The following COL24A1 variants were observed in gnomAD, a reference collection of about 807,000 sequenced individuals.
COL24A1 encodes collagen type XXIV alpha 1 chain.
In COL24A1, 224 loss-of-function variants were observed where a neutral mutation model predicts 253.9. The observed-to-expected ratio is 0.88, with a 90% confidence interval of 0.79 to 0.99. The LOEUF is 0.99. Ranked by LOEUF, COL24A1 falls within the 50% of genes least tolerant of loss-of-function variation. COL24A1 has a pLI of 0.00. For missense variants in COL24A1, 2,131 were observed against 2,068.5 expected, an observed-to-expected ratio of 1.03 and a Z score of -0.59; for synonymous variants, 685 against 673.7, an observed-to-expected ratio of 1.02 and a Z score of -0.26.
chr1:86,005,501 T>C (rs1240465702), intron 19 of COL24A1, among the ~76,000 whole-genome samples: 2 of 152,008 alleles, frequency 1.3e-5, no homozygotes, highest in Non-Finnish European at 2.9e-5. Context: ...AGAAGGGATA[T>C]ACAAATTGAA....
chr1:85,913,187 C>T (rs1685538281), intron 24 of COL24A1, among the ~76,000 whole-genome samples: 1 of 152,128 alleles, frequency 6.6e-6, no homozygotes, highest in South Asian at 2.1e-4. Context: ...TATCAATGTT[C>T]ATGTGCATGG....
intron 20 of COL24A1, among the ~76,000 whole-genome samples, chr1:85,974,579 G>A (rs1254734425): frequency 6.6e-6 from 1 of 152,056 alleles, no homozygotes; most frequent in Non-Finnish European, 1.5e-5. Flanking sequence ...GTAAAAGCAT[G>A]GCAAAAACAA....
chr1:86,121,212 G>T (rs1647291657), intron 3 of COL24A1, among the ~76,000 whole-genome samples: 1 of 152,098 alleles, frequency 6.6e-6, no homozygotes, highest in Non-Finnish European at 1.5e-5. Flanking sequence ...AATGGGTGCA[G>T]CAAACCAACA....
intron 23 of COL24A1, among the ~76,000 whole-genome samples, chr1:85,964,503 C>T (rs535554549): frequency 5.3e-4 from 81 of 152,124 alleles, no homozygotes; most frequent in Admixed American, 1.4e-3. Context: ...GTTTATTGCC[C>T]TGTATGTAAC....
chr1:85,921,974 T>C (rs1233783538), intron 24 of COL24A1, among the ~76,000 whole-genome samples: 3 of 152,138 alleles, frequency 2.0e-5, no homozygotes, highest in Non-Finnish European at 4.4e-5. Flanking sequence ...AGACCTTAAG[T>C]GACCCGAGGG....
intron 34 of COL24A1, among the ~76,000 whole-genome samples, 187 bp from the exon 35 acceptor site, chr1:85,874,889 C>T (rs527438885): frequency 6.6e-6 from 1 of 152,346 alleles, no homozygotes; most frequent in Admixed American, 6.5e-5. Context: ...TGTCTGAGCT[C>T]CACCTCCTGT....
chr1:85,925,448 C>G (rs1270682411), intron 24 of COL24A1, among the ~76,000 whole-genome samples: 1 of 152,152 alleles, frequency 6.6e-6, no homozygotes, highest in African/African-American at 2.4e-5. Context: ...GTAACCAAAA[C>G]AGCATGGTAC....
intron 28 of COL24A1, among the ~76,000 whole-genome samples, chr1:85,904,217 T>C (rs190096750): frequency 1.6e-4 from 25 of 152,308 alleles, no homozygotes; most frequent in African/African-American, 6.0e-4. Flanking sequence ...GTTGTATGCC[T>C]CTATACTGCC....
At chr1:85,761,168 T>A (rs1355588121) in intron 55 of COL24A1, among the ~76,000 whole-genome samples, 2 of 152,136 alleles carry the variant, frequency 1.3e-5, no homozygotes, top group Admixed American at 6.5e-5. Context: ...ACTCAACACT[T>A]GAAACCACCC....
intron 12 of COL24A1, among the ~76,000 whole-genome samples, chr1:86,042,233 C>T (rs1438509946): frequency 1.3e-5 from 2 of 152,002 alleles, no homozygotes; most frequent in Non-Finnish European, 2.9e-5. Flanking sequence ...AGAAAAAAAA[C>T]ATTTCGAATG....
intron 2 of COL24A1, among the ~76,000 whole-genome samples, chr1:86,144,964 G>A (rs1284017422): frequency 2.6e-5 from 4 of 152,090 alleles, no homozygotes; most frequent in Non-Finnish European, 5.9e-5. Flanking sequence ...GCTAAATGAA[G>A]TAACATAAAT....
At chr1:86,148,200 T>C (rs1312001782) in intron 1 of COL24A1, among the ~76,000 whole-genome samples, 2 of 152,126 alleles carry the variant, frequency 1.3e-5, no homozygotes, top group African/African-American at 4.8e-5. Context: ...TTTTGCTTTC[T>C]TGAGATGGAG....
intron 24 of COL24A1, among the ~76,000 whole-genome samples, chr1:85,952,335 A>C (rs1690017918): frequency 6.6e-6 from 1 of 152,222 alleles, no homozygotes; most frequent in Non-Finnish European, 1.5e-5. Context: ...TAAGGAAAAA[A>C]AATGATACAT....
intron 53 of COL24A1, among the ~76,000 whole-genome samples, chr1:85,761,804 T>C (rs1457638864): frequency 2.0e-5 from 3 of 152,208 alleles, no homozygotes; most frequent in East Asian, 1.9e-4. Flanking sequence ...AATTTACTCA[T>C]TTTAATAAAC....
intron 47 of COL24A1, among the ~76,000 whole-genome samples, chr1:85,798,745 T>C (rs1160096912): frequency 6.6e-6 from 1 of 152,174 alleles, no homozygotes; most frequent in Non-Finnish European, 1.5e-5. Context: ...AAGAAACTCA[T>C]TTTAGACAAC....
At chr1:85,825,560 T>A (rs1049559709) in intron 43 of COL24A1, among the ~76,000 whole-genome samples, 9 of 151,700 alleles carry the variant, frequency 5.9e-5, no homozygotes, top group Non-Finnish European at 1.3e-4. Flanking sequence ...AGTGTTCCTA[T>A]TTCTCCACAT....
At chr1:85,992,935 A>G (rs115511947) in intron 19 of COL24A1, among the ~76,000 whole-genome samples, 2,637 of 152,276 alleles carry the variant, frequency 0.017, 32 homozygotes, top group Middle Eastern at 0.068. Flanking sequence ...TTTTAAAAAT[A>G]GTATGTGAAA....
chr1:85,907,534 G>A (rs1365783843), intron 27 of COL24A1, among the ~76,000 whole-genome samples: 1 of 151,874 alleles, frequency 6.6e-6, no homozygotes, highest in African/African-American at 2.4e-5. Flanking sequence ...CACATATGGA[G>A]TGATGGAGGA....
intron 14 of COL24A1, among the ~76,000 whole-genome samples, chr1:86,027,597 C>T (rs1698157641): frequency 6.6e-6 from 1 of 152,214 alleles, no homozygotes; most frequent in African/African-American, 2.4e-5. Flanking sequence ...CTAGATTTCA[C>T]AGGATGTCAG....
Sources: allele counts gnomAD v4.1 joint callset (sites outside exome capture counted in the v4.1 genomes callset), GRCh38; gene constraint gnomAD v4.1.1; transcripts MANE v1.5; gene names NCBI Gene and HGNC (gene_info 2026-07-23, HGNC 2026-07-21).